The following KCNQ1 variants were observed in gnomAD, a reference collection of about 807,000 sequenced individuals.
KCNQ1 encodes the protein potassium voltage-gated channel subfamily KQT member 1.
KCNQ1 carries 49 observed loss-of-function variants against 72.4 expected under a neutral mutation model. The ratio of observed to expected loss-of-function variants is 0.68; its 90% CI spans 0.54 to 0.86. The LOEUF is 0.86. Among genes scored for constraint, KCNQ1 ranks in the 40% least tolerant of loss-of-function variants. The probability of loss-of-function intolerance (pLI) is 0.00; values close to 1 mark genes in which losing one functional copy is unlikely to be tolerated. For synonymous variants in KCNQ1, 450 were observed against 412.6 expected (o/e 1.09, Z -1.10); for missense variants, 790 against 945.1 (o/e 0.84, Z 2.15).
chr11:2,746,815 C>G lies in KCNQ1; in HGVS notation c.1515-22029C>G, dbSNP rs1484301952. 1.3e-5 allele frequency among the ~76,000 whole-genome samples: 2 copies of G among 152,222 alleles called. No homozygotes were observed. Among genetic ancestry groups the G allele is most frequent in the African/African-American group, 4.8e-5 (2 of 41,454 alleles). Reference sequence around the variant, plus strand: ...TCCTTGGACCCGCCAGCATTTGGCTCTGGGGCCCTAGAGAGACCCTGGGAT... The same window carrying G: ...TCCTTGGACCCGCCAGCATTTGGCTGTGGGGCCCTAGAGAGACCCTGGGAT... On this transcript the variant is annotated intron_variant, in intron 11 of 15. Transcript: ENST00000155840. The surrounding 1 kb of genome is among the most constrained non-coding windows in gnomAD (Gnocchi z 5.9).
At chr11:2,581,081 CA>C (rs1258538151) in intron 6 of KCNQ1, among the ~76,000 whole-genome samples, 4 of 152,202 alleles carry the variant, frequency 2.6e-5, no homozygotes, top group Non-Finnish European at 4.4e-5. Context: ...AGTGTCCCCC[CA>C]AAAAATCTGG....
Position 2,848,691 on chromosome 11 carries a change from G to T in KCNQ1, c.*688G>T, listed in dbSNP as rs1018774191. ...TGGGTTAGACTGCCAGCTCTTCCTA[G>T]CTGGAGAGGAGCCCTGCCTCTCCGC... is the stretch of plus-strand genomic sequence containing the variant. On this transcript the variant is annotated 3_prime_UTR_variant, in exon 16 of 16. Coordinates refer to ENST00000155840, the MANE Select transcript of KCNQ1 (RefSeq NM_000218.3). 1.3e-5 allele frequency: 6 copies of T among 450,424 alleles called. No homozygotes were observed. In the Admixed American group the frequency reaches 1.4e-4, roughly 11 times the overall value. 27.9% of individuals were successfully genotyped at this position (450,424 alleles called of 1,614,324 possible).
chr11:2,646,676 C>T (rs1004016617), intron 10 of KCNQ1: 3 of 398,440 alleles, frequency 7.5e-6, no homozygotes, highest in Admixed American at 4.4e-5. Context: ...AGGTGCAGGC[C>T]ACCACGCCCA....
At chr11:2,841,708 A>G (rs1848215658) in intron 15 of KCNQ1, among the ~76,000 whole-genome samples, 1 of 152,218 alleles carries the variant, frequency 6.6e-6, no homozygotes, top group Admixed American at 6.5e-5. Context: ...AGGTCCCAGG[A>G]AGGGAACGAG....
rs752440200 is a variant in KCNQ1 at position 2,567,149 on chromosome 11, C to T, written c.478-3479C>T. Among the ~76,000 whole-genome samples the T allele has an allele frequency of 6.6e-6, 1 of 152,116 alleles. No homozygotes were observed. The highest frequency in any genetic ancestry group is 6.5e-5 in the Admixed American group (1 of 15,282). On this transcript the variant is annotated intron_variant, in intron 2 of 15. Coordinates refer to ENST00000155840, the MANE Select transcript of KCNQ1 (RefSeq NM_000218.3). This position sits in a 1 kb window ranked among gnomAD's most constrained non-coding sequence, Gnocchi z 6.6. ...CCTAGACTGTCACCCTCAGTGTGGA[C>T]AGCAGGAGCTATGGCAGCTGCTTGA...
intron 10 of KCNQ1, chr11:2,632,781 C>T: frequency 2.5e-6 from 1 of 398,344 alleles, no homozygotes; most frequent in Non-Finnish European, 4.4e-6. Context: ...GAATAATATT[C>T]CATTGTGTAT....
chr11:2,510,067 C>G (rs111769954), intron 1 of KCNQ1, among the ~76,000 whole-genome samples: 1 of 151,518 alleles, frequency 6.6e-6, no homozygotes, highest in Non-Finnish European at 1.5e-5. Flanking sequence ...CCTAGGAGTT[C>G]GAGACCAGCC....
chr11:2,620,855 A>G lies in KCNQ1; in HGVS notation c.1393+32001A>G, dbSNP rs1249715233. ...CTCTGCAGCCTTCCCAGCAACTTTT[A>G]TTTTTTTGACTTTTTAATAATTGCC... On this transcript the variant is annotated intron_variant, in intron 10 of 15. Transcript: ENST00000155840. The surrounding 1 kb of genome is among the most constrained non-coding windows in gnomAD (Gnocchi z 4.5). 3 of 395,840 alleles carry G rather than the reference A, an allele frequency of 7.6e-6. No individual in the cohort carries two copies. Among genetic ancestry groups the G allele is most frequent in the Admixed American group, 4.5e-5 (1 of 22,470 alleles). The allele number at this position is 395,840 out of a possible 1,614,324, so 24.5% of individuals were successfully genotyped here. A position where few individuals can be genotyped will look rare whatever the true frequency, so the allele number is the denominator to read the frequency against.
rs537137233 is a variant in KCNQ1, at chr11:2,783,358, C to T, written c.1794+5321C>T. On this transcript the variant is annotated intron_variant, in intron 15 of 15. Coordinates refer to ENST00000155840, the MANE Select transcript of KCNQ1 (RefSeq NM_000218.3). This position sits in a 1 kb window ranked among gnomAD's most constrained non-coding sequence, Gnocchi z 5.2. ...TTAGAATGTTTTGAAATATGATTTACGGCAAAAATGTGGTCAATTTTTGTA... is the reference window on the plus strand; with the variant it reads ...TTAGAATGTTTTGAAATATGATTTATGGCAAAAATGTGGTCAATTTTTGTA... 7.9e-5 allele frequency among the ~76,000 whole-genome samples: 12 copies of T among 152,142 alleles called. No homozygotes were observed. The highest frequency in any genetic ancestry group is 3.9e-4 in the Admixed American group (6 of 15,286).
At chr11:2,810,913 G>A (rs1360239089) in intron 15 of KCNQ1, among the ~76,000 whole-genome samples, 2 of 152,190 alleles carry the variant, frequency 1.3e-5, no homozygotes, top group African/African-American at 4.8e-5. Context: ...CTGTGGCAGA[G>A]GGACAGGACA....
intron 10 of KCNQ1, chr11:2,632,215 G>A (rs1849369713): frequency 2.6e-6 from 1 of 391,736 alleles, no homozygotes; most frequent in African/African-American, 2.1e-5. Flanking sequence ...AAATGCAACT[G>A]AATTTTGTGT....
intron 10 of KCNQ1, chr11:2,644,510 G>C (rs1270073093): frequency 2.5e-6 from 1 of 398,146 alleles, no homozygotes; most frequent in Admixed American, 4.4e-5. Flanking sequence ...TAGTCTATCA[G>C]ATCTTCTTTA....
chr11:2,635,143 C>T (rs924900731), intron 10 of KCNQ1: 1 of 152,196 alleles, frequency 6.6e-6, no homozygotes, highest in East Asian at 1.9e-4. Flanking sequence ...CCTATTCACT[C>T]TGACGGTAGT....
In KCNQ1 at chr11:2,541,776, C is replaced by G. The variant is rs1320438847; in HGVS notation, c.477+13758C>G. Among the ~76,000 whole-genome samples, 2 of 151,710 alleles carry G rather than the reference C, an allele frequency of 1.3e-5. No individual in the cohort carries two copies. Among genetic ancestry groups the G allele is most frequent in the Non-Finnish European group, 2.9e-5 (2 of 67,982 alleles). On this transcript the variant is annotated intron_variant, in intron 2 of 15. Transcript: ENST00000155840. This position sits in a 1 kb window ranked among gnomAD's most constrained non-coding sequence, Gnocchi z 4.8. ...TTCTAGAACCTTTGGAAAACCCCCTCTCATCCCGGGAGTTTGTAAGAATTT... is the reference window on the plus strand; with the variant it reads ...TTCTAGAACCTTTGGAAAACCCCCTGTCATCCCGGGAGTTTGTAAGAATTT...
Position 2,623,598 on chromosome 11 carries a change from T to C in KCNQ1, c.1393+34744T>C, listed in dbSNP as rs1849211047. 3 of 398,506 alleles carry C rather than the reference T, an allele frequency of 7.5e-6. No homozygotes were observed. Among genetic ancestry groups the C allele is most frequent in the Non-Finnish European group, 1.3e-5 (3 of 226,058 alleles). 24.7% of individuals were successfully genotyped at this position (398,506 alleles called of 1,614,324 possible). A position where few individuals can be genotyped will look rare whatever the true frequency, so the allele number is the denominator to read the frequency against. On this transcript the variant is annotated intron_variant, in intron 10 of 15. Transcript: ENST00000155840. The surrounding 1 kb of genome is among the most constrained non-coding windows in gnomAD (Gnocchi z 5.2). ...ACCTCCATATCTTTTCATGGCTTGA[T>C]AGCTCATTTCTATTTAGTGATGAAT...
rs1015115118 is a variant in KCNQ1, at chr11:2,647,973, G to A, written c.1394-13988G>A. Reference sequence around the variant, plus strand: ...TCACACCTGTAAACCCAGTACTTTGGAAGGCCAAGGCAGGCCGATCGCTTG... The same window carrying A: ...TCACACCTGTAAACCCAGTACTTTGAAAGGCCAAGGCAGGCCGATCGCTTG... On this transcript the variant is annotated intron_variant, in intron 10 of 15. Transcript: ENST00000155840. This position sits in a 1 kb window ranked among gnomAD's most constrained non-coding sequence, Gnocchi z 4.0. 15 of 397,376 alleles carry A rather than the reference G, an allele frequency of 3.8e-5. No homozygotes were observed. Among genetic ancestry groups the A allele is most frequent in the African/African-American group, 2.9e-4 (14 of 48,274 alleles). 24.6% of individuals were successfully genotyped at this position (397,376 alleles called of 1,614,324 possible). A position where few individuals can be genotyped will look rare whatever the true frequency, so the allele number is the denominator to read the frequency against.
intron 11 of KCNQ1, chr11:2,693,669 A>G: frequency 5.0e-6 from 2 of 398,652 alleles, no homozygotes; most frequent in Non-Finnish European, 8.8e-6. Flanking sequence ...TTCCGCAGAC[A>G]GAGCAGCCAG....
rs1846310466 is a variant in KCNQ1, at chr11:2,463,663, G to A, written c.386+18179G>A. ...TACTCCCTGTGCTGGGCACTGCGCT[G>A]AGCTCAACACACAGGGGCTCGGGGA... On this transcript the variant is annotated intron_variant, in intron 1 of 15. Transcript: ENST00000155840. This position sits in a 1 kb window ranked among gnomAD's most constrained non-coding sequence, Gnocchi z 7.0. 6.6e-6 allele frequency among the ~76,000 whole-genome samples: 1 copy of A among 152,190 alleles called. No homozygotes were observed. The highest frequency in any genetic ancestry group is 1.9e-4 in the East Asian group (1 of 5,186).
Position 2,750,076 on chromosome 11 carries a change from G to A in KCNQ1, c.1515-18768G>A, listed in dbSNP as rs231895. Among the ~76,000 whole-genome samples the A allele has an allele frequency of 0.18, 27,262 of 152,176 alleles. 2,989 individuals carry two copies. Among genetic ancestry groups the A allele is most frequent in the Admixed American group, 0.29 (4,405 of 15,288 alleles). ...GGGAACAGCCAAGAGGCCAGGAAGC[G>A]GAGCCTGGGTGCAGGGGCATCTTGC... On this transcript the variant is annotated intron_variant, in intron 11 of 15. Transcript: ENST00000155840. The surrounding 1 kb of genome is among the most constrained non-coding windows in gnomAD (Gnocchi z 6.3).
Sources: allele counts gnomAD v4.1 joint callset (sites outside exome capture counted in the v4.1 genomes callset), GRCh38; gene constraint gnomAD v4.1.1; non-coding constraint Gnocchi (gnomAD v3.1); transcripts MANE v1.5; gene names NCBI Gene and HGNC (gene_info 2026-07-23, HGNC 2026-07-21).